The following FER variants were observed in gnomAD, a reference collection of about 807,000 sequenced individuals.
The protein encoded by FER is FER tyrosine kinase, also known as tyrosine-protein kinase Fer.
Under a neutral mutation model 111.0 loss-of-function variants are expected in FER, and 63 were observed. The ratio of observed to expected loss-of-function variants is 0.57; its 90% CI spans 0.46 to 0.70. The LOEUF is 0.70. Ranked by LOEUF, FER falls within the 30% of genes least tolerant of loss-of-function variation. FER has a pLI of 0.00. For synonymous variants in FER, 327 were observed against 313.9 expected (o/e 1.04, Z -0.44); for missense variants, 914 against 954.0 (o/e 0.96, Z 0.55).
At chr5:108,909,808 A>G (rs893660171) in intron 10 of FER, among the ~76,000 whole-genome samples, 1 of 150,464 alleles carries the variant, frequency 6.6e-6, no homozygotes, top group Non-Finnish European at 1.5e-5. Context: ...ATACTTATAT[A>G]TAAATAAAAT....
At position 108,882,736 on chromosome 5, in the gene FER, A is replaced by T. The variant is rs189141101; in HGVS notation, c.924-660A>T. ...TTGCTTTGAAAAGCTGAAGATAAAA[A>T]TTTTAAAGTGATATGATAGCCATGT... On this transcript the variant is annotated intron_variant, in intron 8 of 19. Coordinates refer to ENST00000281092, the MANE Select transcript of FER (RefSeq NM_005246.4). Among the ~76,000 whole-genome samples the T allele has an allele frequency of 2.6e-5, 4 of 152,030 alleles. No individual in the cohort carries two copies. The East Asian group carries it at 7.7e-4, about 29-fold the overall frequency.
At chr5:108,936,905 GT>G (rs1413814783) in intron 10 of FER, among the ~76,000 whole-genome samples, 2 of 151,848 alleles carry the variant, frequency 1.3e-5, no homozygotes, top group Non-Finnish European at 2.9e-5. Flanking sequence ...TTCCTCTGTT[GT>G]TTTTGAGAAT....
chr5:108,802,386 GGT>G (rs1173815536), intron 3 of FER, among the ~76,000 whole-genome samples: 2 of 151,956 alleles, frequency 1.3e-5, no homozygotes, highest in African/African-American at 2.4e-5. Context: ...AGATTCCGGG[GGT>G]ACACATGCAG....
intron 17 of FER, among the ~76,000 whole-genome samples, chr5:109,113,467 T>C (rs1161226253): frequency 1.3e-5 from 2 of 152,204 alleles, no homozygotes; most frequent in African/African-American, 4.8e-5. Flanking sequence ...GAACCACTAC[T>C]TTTAAGCAGT....
At chr5:108,932,740 A>G (rs1243591951) in intron 10 of FER, among the ~76,000 whole-genome samples, 1 of 151,850 alleles carries the variant, frequency 6.6e-6, no homozygotes, top group African/African-American at 2.4e-5. Flanking sequence ...ATTGTATCTC[A>G]TTGTGGTTTT....
chr5:109,073,268 A>C (rs529814458), intron 16 of FER, among the ~76,000 whole-genome samples: 17 of 152,126 alleles, frequency 1.1e-4, no homozygotes, highest in African/African-American at 4.1e-4. Context: ...TAAATCCATG[A>C]TACATCTGAT....
chr5:108,749,956 A>C (rs1191344766), intron 1 of FER, among the ~76,000 whole-genome samples: 1 of 152,236 alleles, frequency 6.6e-6, no homozygotes, highest in Non-Finnish European at 1.5e-5. Flanking sequence ...TTCAAAATCT[A>C]ATAATTTGTT....
chr5:109,180,654 C>A, intron 17 of FER, 93 bp from the exon 18 acceptor site: 1 of 1,369,132 alleles, frequency 7.3e-7, no homozygotes, highest in Non-Finnish European at 1.0e-6. Flanking sequence ...AAATACATTG[C>A]AAATGTAAAA....
chr5:109,186,333 T>G lies in FER; in HGVS notation c.2326+11T>G. On this transcript the variant is annotated intron_variant, in intron 19 of 19. Coordinates refer to ENST00000281092, the MANE Select transcript of FER (RefSeq NM_005246.4). Reference sequence around the variant, plus strand: ...AGCAAGTAGAAAGAGGTGAGCCAAGTACATTCATTGTTAGTGTTCATGTCC... The same window carrying G: ...AGCAAGTAGAAAGAGGTGAGCCAAGGACATTCATTGTTAGTGTTCATGTCC... 6.2e-7 allele frequency: 1 copy of G among 1,614,090 alleles called. No homozygotes were observed. The highest frequency in any genetic ancestry group is 8.5e-7 in the Non-Finnish European group (1 of 1,179,952).
At chr5:108,781,537 G>A (rs1754078036) in intron 2 of FER, among the ~76,000 whole-genome samples, 1 of 152,166 alleles carries the variant, frequency 6.6e-6, no homozygotes, top group Non-Finnish European at 1.5e-5. Context: ...AATTTTTCTT[G>A]ATAGCTGAAG....
At chr5:108,827,777 T>A (rs190395630) in intron 3 of FER, among the ~76,000 whole-genome samples, 253 of 151,892 alleles carry the variant, frequency 1.7e-3, no homozygotes, top group Non-Finnish European at 2.6e-3. Context: ...TTTTTATAAG[T>A]GTTTATCCCA....
intron 10 of FER, among the ~76,000 whole-genome samples, chr5:108,942,916 G>A (rs752547290): frequency 7.3e-4 from 111 of 152,056 alleles, no homozygotes; most frequent in Middle Eastern, 3.2e-3. Flanking sequence ...TATTTTTCTT[G>A]ATTCTTATTG....
intron 12 of FER, among the ~76,000 whole-genome samples, chr5:108,955,972 A>T (rs181612915): frequency 6.6e-6 from 1 of 151,906 alleles, no homozygotes; most frequent in African/African-American, 2.4e-5. Context: ...TCTCGTAGTT[A>T]TAGCTAAATG....
Position 108,832,763 on chromosome 5 carries a change from T to C in FER, c.208-7T>C. 6.9e-7 allele frequency: 1 copy of C among 1,459,336 alleles called. No homozygotes were observed. Among genetic ancestry groups the C allele is most frequent in the South Asian group, 1.6e-5 (1 of 63,968 alleles). The allele number at this position is 1,459,336 out of a possible 1,614,324, so 90.4% of individuals were successfully genotyped here. ...AAATGTTTGTTTCTTTTTTTTTTTT[T>C]TTTAAGTCTTGGCTACTTATGATTC... On this transcript the variant is annotated splice_region_variant and splice_polypyrimidine_tract_variant and intron_variant, in intron 3 of 19. Transcript: ENST00000281092.
intron 17 of FER, among the ~76,000 whole-genome samples, chr5:109,126,321 C>T (rs963578562): frequency 6.6e-6 from 1 of 152,248 alleles, no homozygotes; most frequent in East Asian, 1.9e-4. Flanking sequence ...AGCACTCTAG[C>T]CTTCATTCCT....
chr5:109,010,374 GT>G (rs1766094831), intron 13 of FER, among the ~76,000 whole-genome samples: 1 of 152,084 alleles, frequency 6.6e-6, no homozygotes, highest in Non-Finnish European at 1.5e-5. Context: ...AGCCAGGATG[GT>G]GTCGATCTCC....
At chr5:108,895,891 C>T (rs1411782994) in intron 9 of FER, among the ~76,000 whole-genome samples, 4 of 152,012 alleles carry the variant, frequency 2.6e-5, no homozygotes, top group Non-Finnish European at 5.9e-5. Flanking sequence ...CTTGTCATTT[C>T]TGATTTCATT....
chr5:109,004,819 G>A (rs1765282813), intron 13 of FER, among the ~76,000 whole-genome samples: 1 of 151,966 alleles, frequency 6.6e-6, no homozygotes, highest in Non-Finnish European at 1.5e-5. Flanking sequence ...TTCATTTTAG[G>A]TTGTTTGTTT....
At chr5:108,773,876 A>G (rs1002588609) in intron 2 of FER, among the ~76,000 whole-genome samples, 2 of 152,132 alleles carry the variant, frequency 1.3e-5, no homozygotes, top group Non-Finnish European at 2.9e-5. Context: ...TGACTTTTTA[A>G]TAATAACCAT....
Sources: gnomAD v4.1 joint callset for allele counts (sites outside exome capture counted in the v4.1 genomes callset) on GRCh38, gnomAD v4.1.1 for gene constraint, MANE v1.5 for transcripts, NCBI Gene and HGNC (gene_info 2026-07-23, HGNC 2026-07-21) for gene names.